PCDHGB3: variants seen among roughly 807,000 people sequenced by gnomAD.
PCDHGB3 encodes the protein protocadherin gamma subfamily B, 3.
A neutral mutation model predicts 59.2 loss-of-function variants in PCDHGB3; 40 were observed. The observed-to-expected ratio is 0.68, with a 90% CI of 0.52 to 0.88. The LOEUF is 0.88. PCDHGB3 is among the 40% of genes least tolerant of loss of function. The pLI is 0.00. For missense variants in PCDHGB3, 1,309 were observed against 1,187.9 expected (o/e 1.10, Z -1.50); for synonymous variants, 581 against 503.6 (o/e 1.15, Z -2.06).
chr5:141,472,980 C>CAAAAAAAAAAAAAAAAAGAAAAAAAA (rs2099309731), intron 1 of PCDHGB3, among the ~76,000 whole-genome samples: 1 of 86,100 alleles, frequency 1.2e-5, no homozygotes, highest in African/African-American at 3.9e-5. Flanking sequence ...GAGTGAAACT[C>CAAAAAAAAAAAAAAAAAGAAAAAAAA]AAAAAAAAAA....
intron 1 of PCDHGB3, among the ~76,000 whole-genome samples, chr5:141,435,444 A>T (rs1471113812): frequency 1.3e-5 from 2 of 152,216 alleles, no homozygotes; most frequent in South Asian, 2.1e-4. Context: ...TTTCATTAAT[A>T]CGATATCTGT....
chr5:141,395,427 T>A, intron 1 of PCDHGB3: 2 of 722,004 alleles, frequency 2.8e-6, no homozygotes, highest in Non-Finnish European at 4.3e-6. Flanking sequence ...CATTTGCTTT[T>A]AAACGACTTG....
In PCDHGB3 at chr5:141,372,149, C is replaced by T; in HGVS notation, c.1755C>T (p.Gly585=). The T allele has an allele frequency of 1.2e-6, 2 of 1,613,782 alleles. No individual in the cohort carries two copies. Among genetic ancestry groups the T allele is most frequent in the Non-Finnish European group, 1.7e-6 (2 of 1,179,942 alleles). ...TGGTGCCGCGCTCTGCAGAGCCTGG[C>T]TACCTGGTGACCAAGGTGGTGGCGG... The part of the protein sequence containing the change: ...FDMVPRSAEP[G]YLVTKVVAVD... Residue 585 remains glycine, a synonymous_variant, in exon 1 of 4, where the codon GGC becomes GGT. Transcript: ENST00000576222.
chr5:141,420,244 C>A lies in PCDHGB3; in HGVS notation c.2415+47435C>A, dbSNP rs755775597. On this transcript the variant is annotated intron_variant, in intron 1 of 3. Coordinates refer to ENST00000576222, the MANE Select transcript of PCDHGB3 (RefSeq NM_018924.5). ...TACTGGCTAGCATTTTAACTCCCAGCGTTGAAGCAGATAAGAAGATTCTTA... is the reference window on the plus strand; with the variant it reads ...TACTGGCTAGCATTTTAACTCCCAGAGTTGAAGCAGATAAGAAGATTCTTA... 83 of 1,584,438 alleles carry A rather than the reference C, an allele frequency of 5.2e-5. 1 individual carries two copies. The South Asian group carries it at 9.4e-4, about 18-fold the overall frequency.
rs1248104988 is a variant in PCDHGB3, at chr5:141,409,585, G to A, written c.2415+36776G>A. 3.1e-6 allele frequency: 5 copies of A among 1,613,912 alleles called. No individual in the cohort carries two copies. The Admixed American group carries it at 5.0e-5, about 16-fold the overall frequency. ...ACCAGACGTCCTACGTGGTCCACGT[G>A]GCCGAGAACAACCCGCCAGGAGCCT... On this transcript the variant is annotated intron_variant, in intron 1 of 3. Coordinates refer to ENST00000576222, the MANE Select transcript of PCDHGB3 (RefSeq NM_018924.5).
intron 1 of PCDHGB3, chr5:141,421,239 G>A (rs773410079): frequency 6.3e-7 from 1 of 1,599,000 alleles, no homozygotes; most frequent in South Asian, 1.1e-5. Context: ...TGGCGAATCG[G>A]CTACAGCGCG....
At chr5:141,405,505 C>T (rs573282216) in intron 1 of PCDHGB3, 22 of 751,126 alleles carry the variant, frequency 2.9e-5, no homozygotes, top group Admixed American at 1.7e-4. Flanking sequence ...TTGCAACCTC[C>T]GCCTCCCAAA....
intron 1 of PCDHGB3, chr5:141,423,692 G>T: frequency 7.1e-7 from 1 of 1,405,756 alleles, no homozygotes; most frequent in Non-Finnish European, 9.4e-7. Context: ...CCTAATTGTT[G>T]GTGTCTTGGC....
intron 1 of PCDHGB3, among the ~76,000 whole-genome samples, chr5:141,456,073 A>G (rs1490650582): frequency 2.6e-5 from 4 of 151,252 alleles, no homozygotes; most frequent in Non-Finnish European, 5.9e-5. Flanking sequence ...AATTTTTTGT[A>G]TTTTCAGTAG....
At chr5:141,496,588 C>T (rs775641672) in intron 2 of PCDHGB3, among the ~76,000 whole-genome samples, 9 of 152,280 alleles carry the variant, frequency 5.9e-5, no homozygotes, top group Non-Finnish European at 1.0e-4. Context: ...GAACGCAAAG[C>T]GCTTCTTAGA....
chr5:141,438,627 TATATATATACACAC>T (rs1407400493), intron 1 of PCDHGB3, among the ~76,000 whole-genome samples: 2,053 of 47,724 alleles, frequency 0.043, 22 homozygotes, highest in African/African-American at 0.13. Context: ...TATATATATA[TATATATATACACAC>T]ACACACACAC....
Position 141,490,924 on chromosome 5 carries a change from C to G in PCDHGB3, c.2416-3883C>G, listed in dbSNP as rs1469202824. The G allele has an allele frequency of 1.9e-6, 3 of 1,613,562 alleles. No individual in the cohort carries two copies. The highest frequency in any genetic ancestry group is 2.5e-6 in the Non-Finnish European group (3 of 1,179,702). ...TGTCCTAGACGAGAATGATAATGCC[C>G]CAGCTGTGCTGCACCCACGGCCAGA... On this transcript the variant is annotated intron_variant, in intron 1 of 3. Transcript: ENST00000576222. The surrounding 1 kb of genome is among the most constrained non-coding windows in gnomAD (Gnocchi z 5.4).
intron 1 of PCDHGB3, among the ~76,000 whole-genome samples, chr5:141,446,868 C>T (rs980547855): frequency 6.6e-6 from 1 of 152,160 alleles, no homozygotes; most frequent in Non-Finnish European, 1.5e-5. Flanking sequence ...TAGCTCTACA[C>T]TGGTATGTTT....
intron 1 of PCDHGB3, chr5:141,423,925 T>C (rs17097293): frequency 0.23 from 286,429 of 1,244,544 alleles, 36,355 homozygotes; most frequent in African/African-American, 0.51. Flanking sequence ...ACTATGCTGG[T>C]TTGGTTTGAA....
intron 1 of PCDHGB3, chr5:141,411,714 G>C (rs889829564): frequency 6.6e-6 from 1 of 152,420 alleles, no homozygotes; most frequent in Middle Eastern, 3.1e-3. Context: ...AGACTCCATC[G>C]CTACAGAACA....
intron 1 of PCDHGB3, chr5:141,390,154 C>A: frequency 6.2e-7 from 1 of 1,614,038 alleles, no homozygotes; most frequent in African/African-American, 1.3e-5. Flanking sequence ...GTTGCACATA[C>A]AGGAAAGACG....
rs201139834 is a variant in PCDHGB3 at position 141,371,333 on chromosome 5, T to G, written c.939T>G (p.Asp313Glu). ...GAGAACTGGACTTTGAAGAGAGAGA[T>G]AGCTACACAATTGGGGTGGAAGCAA... ...TIGELDFEER[D>E]SYTIGVEAKD... The change falls in exon 1 of 4, where the codon GAT (aspartate) becomes GAG (glutamate). Residue 313 changes from aspartate to glutamate, a missense_variant. Physicochemically the swap from Asp to Glu is conservative, Grantham distance 45 (BLOSUM62 2). Transcript: ENST00000576222. 80 of 1,613,850 alleles carry G rather than the reference T, an allele frequency of 5.0e-5. No homozygotes were observed. The East Asian group carries it at 1.7e-3, about 34-fold the overall frequency.
At chr5:141,419,722 G>A (rs1194093167) in intron 1 of PCDHGB3, 2 of 1,613,306 alleles carry the variant, frequency 1.2e-6, no homozygotes, top group Admixed American at 1.7e-5. Context: ...GCCTGGGGCT[G>A]CGAACAGGCG....
chr5:141,400,058 ATGG>A (rs2093953327), intron 1 of PCDHGB3: 1 of 1,613,570 alleles, frequency 6.2e-7, no homozygotes, highest in Admixed American at 1.7e-5. Flanking sequence ...GCTGTGCGTG[ATGG>A]TGGACAGCCG....
Sources: allele counts gnomAD v4.1 joint callset (sites outside exome capture counted in the v4.1 genomes callset), GRCh38; gene constraint gnomAD v4.1.1; non-coding constraint Gnocchi (gnomAD v3.1); transcripts MANE v1.5; gene names NCBI Gene and HGNC (gene_info 2026-07-23, HGNC 2026-07-21).